GAB1: variants seen among roughly 807,000 people sequenced by gnomAD.
GAB1 encodes GRB2-associated-binding protein 1.
A neutral mutation model predicts 66.5 loss-of-function variants in GAB1; 19 were observed. The ratio of observed to expected loss-of-function variants is 0.29; its 90% CI spans 0.20 to 0.42. The LOEUF (loss-of-function observed/expected upper bound fraction) is 0.42. GAB1 is among the 10% of genes least tolerant of loss of function. The pLI, the probability that GAB1 is intolerant of heterozygous loss-of-function variation, is 1.00. For synonymous variants in GAB1, 294 were observed against 301.4 expected (o/e 0.98, Z 0.25); for missense variants, 732 against 858.5 (o/e 0.85, Z 1.84).
chr4:143,381,880 T>C (rs545045408), intron 1 of GAB1: 15 of 152,228 alleles, frequency 9.9e-5, no homozygotes, highest in Non-Finnish European at 1.9e-4. Flanking sequence ...GCTTTTGTTA[T>C]TAATGTGGAG....
At chr4:143,434,436 C>T (rs1300737350) in intron 3 of GAB1, among the ~76,000 whole-genome samples, 2 of 150,606 alleles carry the variant, frequency 1.3e-5, no homozygotes, top group African/African-American at 4.9e-5. Context: ...CTCACTGTAA[C>T]CCCAAACTCC....
intron 1 of GAB1, among the ~76,000 whole-genome samples, chr4:143,362,235 T>C (rs2149657893): frequency 6.6e-6 from 1 of 152,302 alleles, no homozygotes; most frequent in South Asian, 2.1e-4. Flanking sequence ...ATAATAGTTA[T>C]GAGAAAAATG....
rs533085644 is a variant in GAB1, at chr4:143,432,775, A to T, written c.368-716A>T. On this transcript the variant is annotated intron_variant, in intron 2 of 9. Coordinates refer to ENST00000262994, the MANE Select transcript of GAB1 (RefSeq NM_002039.4). Reference sequence around the variant, plus strand: ...TTTCACATGGTTTTCAAATTGCTTCATTCTGCACAATTTAGCTCTTTTCAT... The same window carrying T: ...TTTCACATGGTTTTCAAATTGCTTCTTTCTGCACAATTTAGCTCTTTTCAT... Among the ~76,000 whole-genome samples, 7 of 152,340 alleles carry T rather than the reference A, an allele frequency of 4.6e-5. No individual in the cohort carries two copies. In the South Asian group the frequency reaches 1.5e-3, roughly 32 times the overall value.
chr4:143,371,459 C>T (rs544306912), intron 1 of GAB1, among the ~76,000 whole-genome samples: 66 of 152,036 alleles, frequency 4.3e-4, no homozygotes, highest in Non-Finnish European at 7.5e-4. Context: ...GCCCTTTGTC[C>T]GATGGGTAGA....
intron 2 of GAB1, chr4:143,425,998 A>T (rs1192890076): frequency 5.1e-5 from 33 of 646,064 alleles, no homozygotes; most frequent in African/African-American, 1.8e-4. Flanking sequence ...AAAAAATTTT[A>T]AAAATTACAA....
chr4:143,343,456 G>A (rs1728890282), intron 1 of GAB1: 1 of 154,794 alleles, frequency 6.5e-6, no homozygotes, highest in Admixed American at 6.5e-5. Context: ...CCTGTGCAAT[G>A]CCTGGCTCAG....
intron 1 of GAB1, among the ~76,000 whole-genome samples, chr4:143,348,928 C>T (rs1415958428): frequency 1.3e-5 from 2 of 152,228 alleles, no homozygotes; most frequent in East Asian, 3.9e-4. Context: ...TTTTCTGTCT[C>T]ACAACCAGGC....
chr4:143,376,521 G>C (rs1353076258), intron 1 of GAB1, among the ~76,000 whole-genome samples: 1 of 152,094 alleles, frequency 6.6e-6, no homozygotes, highest in Non-Finnish European at 1.5e-5. Flanking sequence ...AGATATAGAA[G>C]AGTATTTAAA....
chr4:143,380,120 T>A (rs188956480), intron 1 of GAB1, among the ~76,000 whole-genome samples: 1 of 151,504 alleles, frequency 6.6e-6, no homozygotes, highest in Non-Finnish European at 1.5e-5. Context: ...GGGCCTCAGT[T>A]TTTTTATTCA....
chr4:143,340,975 GAC>G (rs908753399), intron 1 of GAB1, among the ~76,000 whole-genome samples: 5 of 152,112 alleles, frequency 3.3e-5, no homozygotes, highest in Admixed American at 6.5e-5. Context: ...TCTAAAGAAT[GAC>G]ACACAAAAAA....
intron 6 of GAB1, among the ~76,000 whole-genome samples, chr4:143,454,682 A>G (rs1459342088): frequency 1.3e-5 from 2 of 152,182 alleles, no homozygotes; most frequent in African/African-American, 4.8e-5. Context: ...TAATTCTTGG[A>G]TCAGTTGCTC....
rs1454671183 is a variant in GAB1, at chr4:143,470,599, A to G, written c.*1410A>G. Reference sequence around the variant, plus strand: ...TATTCGTCTGTCTTGGCTTTGCAACATAATTTAGAAAGCACGTATAGTTGT... The same window carrying G: ...TATTCGTCTGTCTTGGCTTTGCAACGTAATTTAGAAAGCACGTATAGTTGT... On this transcript the variant is annotated 3_prime_UTR_variant, in exon 10 of 10. Coordinates refer to ENST00000262994, the MANE Select transcript of GAB1 (RefSeq NM_002039.4). The G allele has an allele frequency of 3.3e-5, 5 of 152,236 alleles. No individual in the cohort carries two copies. The highest frequency in any genetic ancestry group is 1.2e-4 in the African/African-American group (5 of 41,462). 9.4% of individuals were successfully genotyped at this position (152,236 alleles called of 1,614,324 possible). A position where few individuals can be genotyped will look rare whatever the true frequency, so the allele number is the denominator to read the frequency against.
At chr4:143,430,630 A>G (rs979388062) in intron 2 of GAB1, among the ~76,000 whole-genome samples, 7 of 152,208 alleles carry the variant, frequency 4.6e-5, no homozygotes, top group African/African-American at 1.7e-4. Context: ...TCAGATTACC[A>G]TAAGTTATTT....
At chr4:143,356,262 TAA>T (rs1729443003) in intron 1 of GAB1, among the ~76,000 whole-genome samples, 1 of 152,212 alleles carries the variant, frequency 6.6e-6, no homozygotes, top group Admixed American at 6.5e-5. Context: ...ATAGGTATAT[TAA>T]CTCAGATAAA....
At chr4:143,434,542 G>A (rs993062475) in intron 3 of GAB1, among the ~76,000 whole-genome samples, 3 of 151,790 alleles carry the variant, frequency 2.0e-5, no homozygotes, top group Admixed American at 6.6e-5. Context: ...TCTTTGTAGT[G>A]ACGAGGTCTC....
At chr4:143,371,831 G>C (rs1394116759) in intron 1 of GAB1, among the ~76,000 whole-genome samples, 1 of 152,014 alleles carries the variant, frequency 6.6e-6, no homozygotes, top group African/African-American at 2.4e-5. Flanking sequence ...TCTTGTTTTT[G>C]TCAGGTTTGT....
chr4:143,338,834 CAT>C (rs1222979508), intron 1 of GAB1, among the ~76,000 whole-genome samples: 1 of 152,080 alleles, frequency 6.6e-6, no homozygotes, highest in Non-Finnish European at 1.5e-5. Context: ...TAAAGAATAA[CAT>C]ATTTGCTGAA....
intron 1 of GAB1, among the ~76,000 whole-genome samples, chr4:143,360,558 G>A (rs772667881): frequency 1.3e-5 from 2 of 152,120 alleles, no homozygotes; most frequent in African/African-American, 2.4e-5. Context: ...GGAAAAAAAG[G>A]TGAATGAATA....
chr4:143,466,003 C>T, intron 8 of GAB1, 100 bp from the exon 9 acceptor site: 5 of 1,318,012 alleles, frequency 3.8e-6, no homozygotes, highest in Non-Finnish European at 5.2e-6. Flanking sequence ...AAGCTATGTC[C>T]TCTTGAAAGC....
Sources: gnomAD v4.1 joint callset for allele counts (sites outside exome capture counted in the v4.1 genomes callset) on GRCh38, gnomAD v4.1.1 for gene constraint, MANE v1.5 for transcripts, NCBI Gene and HGNC (gene_info 2026-07-23, HGNC 2026-07-21) for gene names.